The following DPY19L2 variants were observed in gnomAD, a reference collection of about 807,000 sequenced individuals.
DPY19L2 encodes probable C-mannosyltransferase DPY19L2.
In DPY19L2, 34 loss-of-function variants were observed where a neutral mutation model predicts 97.9. That is an observed-to-expected ratio of 0.35 (90% confidence interval 0.26 to 0.46). The LOEUF (loss-of-function observed/expected upper bound fraction) is 0.46. DPY19L2 is among the 20% of genes least tolerant of loss of function. The probability of loss-of-function intolerance (pLI) is 1.00; values close to 1 mark genes in which losing one functional copy is unlikely to be tolerated. For missense variants in DPY19L2, 623 were observed against 911.4 expected (o/e 0.68, Z 4.07); for synonymous variants, 230 against 307.9 (o/e 0.75, Z 2.65).
chr12:63,604,753 A>T (rs9971657), intron 12 of DPY19L2, among the ~76,000 whole-genome samples: 89,340 of 151,844 alleles, frequency 0.59, 26,932 homozygotes, highest in African/African-American at 0.73. Flanking sequence ...TTCCAGAGTA[A>T]TTAAAACTGC....
At position 63,593,582 on chromosome 12, in the gene DPY19L2, T is replaced by C. The variant is rs550681720; in HGVS notation, c.1580+505A>G. On this transcript the variant is annotated intron_variant, in intron 16 of 21. Coordinates refer to ENST00000324472, the MANE Select transcript of DPY19L2 (RefSeq NM_173812.5). ...GCATATTCTCACTCATAGGTGGGAA[T>C]TGAACAATGAGAACACATGGACACA... is the stretch of plus-strand genomic sequence containing the variant. 1.1e-4 allele frequency among the ~76,000 whole-genome samples: 17 copies of C among 152,126 alleles called. No individual in the cohort carries two copies. In the South Asian group the frequency reaches 1.2e-3, roughly 11 times the overall value.
In DPY19L2 at chr12:63,563,728, T is replaced by C. The variant is rs189420574; in HGVS notation, c.2127-3066A>G. On this transcript the variant is annotated intron_variant, in intron 21 of 21. Coordinates refer to ENST00000324472, the MANE Select transcript of DPY19L2 (RefSeq NM_173812.5). ...AATTTTGATTGGTTGTTTCCTTTTA[T>C]TGTAATGTTTCTCTCATGTTGGTAT... Among the ~76,000 whole-genome samples, 899 of 152,284 alleles carry C rather than the reference T, an allele frequency of 5.9e-3. 9 individuals carry two copies. Among genetic ancestry groups the C allele is most frequent in the African/African-American group, 0.02 (846 of 41,550 alleles).
intron 9 of DPY19L2, among the ~76,000 whole-genome samples, chr12:63,619,536 G>C (rs1347414097): frequency 2.0e-5 from 3 of 148,792 alleles, no homozygotes; most frequent in Non-Finnish European, 4.4e-5. Flanking sequence ...TTTTGAAACT[G>C]AGTCTCACTC....
chr12:63,569,989 C>T (rs531087702), intron 20 of DPY19L2, among the ~76,000 whole-genome samples: 2 of 151,996 alleles, frequency 1.3e-5, no homozygotes, highest in Non-Finnish European at 2.9e-5. Flanking sequence ...GTGGTTTCCA[C>T]GCCAGTTCAC....
intron 21 of DPY19L2, 107 bp from the exon 22 acceptor site, chr12:63,560,769 A>C: frequency 4.9e-6 from 7 of 1,429,052 alleles, no homozygotes; most frequent in Non-Finnish European, 6.6e-6. Context: ...TCATAAGTTA[A>C]ATATTTTAAA....
rs1224148101 is a variant in DPY19L2, at chr12:63,589,874, A to G, written c.1580+4213T>C. ...CCGGGCACAGTGGCTCATGCCTGCA[A>G]TCCCAGCACTTTGGCAGGCCCAGGT... On this transcript the variant is annotated intron_variant, in intron 16 of 21. Coordinates refer to ENST00000324472, the MANE Select transcript of DPY19L2 (RefSeq NM_173812.5). Among the ~76,000 whole-genome samples, 6 of 152,326 alleles carry G rather than the reference A, an allele frequency of 3.9e-5. No individual in the cohort carries two copies. The East Asian group carries it at 1.2e-3, about 29-fold the overall frequency.
chr12:63,606,004 G>A (rs370640567), intron 12 of DPY19L2, among the ~76,000 whole-genome samples: 1 of 151,980 alleles, frequency 6.6e-6, no homozygotes, highest in African/African-American at 2.4e-5. Context: ...AATACTGTAT[G>A]TATTTTGTTA....
chr12:63,579,209 G>A (rs551712205), intron 19 of DPY19L2, among the ~76,000 whole-genome samples: 1 of 152,278 alleles, frequency 6.6e-6, no homozygotes, highest in South Asian at 2.1e-4. Flanking sequence ...ATTAGAAAAA[G>A]GTATTCCCCT....
chr12:63,637,458 C>A (rs915926192), intron 6 of DPY19L2, among the ~76,000 whole-genome samples: 2 of 152,024 alleles, frequency 1.3e-5, no homozygotes, highest in African/African-American at 4.8e-5. Flanking sequence ...AATTGATAGA[C>A]CGCTAGCAAG....
intron 16 of DPY19L2, among the ~76,000 whole-genome samples, chr12:63,589,895 C>T (rs148747524): frequency 0.014 from 2,083 of 152,194 alleles, 24 homozygotes; most frequent in South Asian, 0.033. Context: ...TTGGCAGGCC[C>T]AGGTGGCTGG....
intron 21 of DPY19L2, among the ~76,000 whole-genome samples, chr12:63,562,644 A>G (rs1311822733): frequency 2.6e-5 from 4 of 152,146 alleles, no homozygotes; most frequent in Non-Finnish European, 4.4e-5. Context: ...TAAATCCTCC[A>G]TAGTGTCAGC....
At chr12:63,622,909 G>C (rs1304535727) in intron 8 of DPY19L2, among the ~76,000 whole-genome samples, 1 of 152,148 alleles carries the variant, frequency 6.6e-6, no homozygotes. Flanking sequence ...GGGTGACAGA[G>C]CAAGACCTCA....
At chr12:63,589,709 T>C (rs1882545515) in intron 16 of DPY19L2, among the ~76,000 whole-genome samples, 1 of 152,104 alleles carries the variant, frequency 6.6e-6, no homozygotes, top group African/African-American at 2.4e-5. Flanking sequence ...AATATATAAC[T>C]GTGATTGTAG....
Position 63,626,555 on chromosome 12 carries a change from A to C in DPY19L2, c.804-29T>G, listed in dbSNP as rs1372958681. 17 of 1,540,954 alleles carry C rather than the reference A, an allele frequency of 1.1e-5. 1 individual carries two copies. The highest frequency in any genetic ancestry group is 1.2e-5 in the Non-Finnish European group (14 of 1,145,610). On this transcript the variant is annotated intron_variant, in intron 6 of 21. Coordinates refer to ENST00000324472, the MANE Select transcript of DPY19L2 (RefSeq NM_173812.5). ...TAAAAAAAAAACAAAAAAAACAGAG[A>C]ATACAATCAAAATTCATGTAAAATA...
At chr12:63,643,363 CAA>C (rs528404634) in intron 6 of DPY19L2, among the ~76,000 whole-genome samples, 2 of 152,090 alleles carry the variant, frequency 1.3e-5, no homozygotes, top group East Asian at 3.9e-4. Context: ...CTTCCTAAAA[CAA>C]AGAGTGTGTA....
intron 6 of DPY19L2, among the ~76,000 whole-genome samples, chr12:63,630,734 A>G (rs1315284920): frequency 2.6e-5 from 4 of 152,232 alleles, no homozygotes; most frequent in Middle Eastern, 6.8e-3. Flanking sequence ...ACATCTACAG[A>G]ACTCTCCATC....
intron 19 of DPY19L2, among the ~76,000 whole-genome samples, chr12:63,571,474 T>C (rs956196414): frequency 2.0e-5 from 3 of 152,108 alleles, no homozygotes; most frequent in Non-Finnish European, 4.4e-5. Flanking sequence ...ACAAAAAGAA[T>C]GTAAAATGTC....
intron 7 of DPY19L2, 143 bp from the exon 8 acceptor site, chr12:63,624,274 T>C (rs1199877355): frequency 1.5e-6 from 1 of 651,280 alleles, no homozygotes; most frequent in Non-Finnish European, 2.7e-6. Flanking sequence ...TCTCAGTTTT[T>C]GAAGCTCTCT....
At chr12:63,644,916 T>C (rs1893201136) in intron 5 of DPY19L2, among the ~76,000 whole-genome samples, 1 of 152,100 alleles carries the variant, frequency 6.6e-6, no homozygotes, top group Non-Finnish European at 1.5e-5. Flanking sequence ...AACCACTTAA[T>C]GAATACAAAA....
Sources: gnomAD v4.1 joint callset for allele counts (sites outside exome capture counted in the v4.1 genomes callset) on GRCh38, gnomAD v4.1.1 for gene constraint, MANE v1.5 for transcripts, NCBI Gene and HGNC (gene_info 2026-07-23, HGNC 2026-07-21) for gene names.